The following IMPG1 variants were observed in gnomAD, a reference collection of about 807,000 sequenced individuals.
The protein encoded by IMPG1 is interphotoreceptor matrix proteoglycan of 150 kDa.
IMPG1 carries 85 observed loss-of-function variants against 92.0 expected under a neutral mutation model. The ratio of observed to expected loss-of-function variants is 0.92; its 90% CI spans 0.78 to 1.11. The LOEUF (loss-of-function observed/expected upper bound fraction) is 1.11. Ranked by LOEUF, IMPG1 falls within the 50% of genes least tolerant of loss-of-function variation. The probability of loss-of-function intolerance (pLI) is 0.00; values close to 1 mark genes in which losing one functional copy is unlikely to be tolerated. For synonymous variants in IMPG1, 367 were observed against 334.1 expected (o/e 1.10, Z -1.08); for missense variants, 1,022 against 956.0 (o/e 1.07, Z -0.91).
chr6:75,923,781 T>G, intron 15 of IMPG1, 75 bp from the exon 16 acceptor site: 1 of 824,696 alleles, frequency 1.2e-6, no homozygotes, highest in Non-Finnish European at 2.0e-6. Flanking sequence ...ATCTTTCTAC[T>G]GTTTTAGTTT....
intron 1 of IMPG1, among the ~76,000 whole-genome samples, chr6:76,060,180 T>A (rs1784181527): frequency 6.6e-6 from 1 of 152,166 alleles, no homozygotes; most frequent in South Asian, 2.1e-4. Flanking sequence ...TCGGAATGAA[T>A]TAAGATGACT....
In IMPG1 at chr6:75,968,534, A is replaced by G. The variant is rs979418096; in HGVS notation, c.1292-17440T>C. Among the ~76,000 whole-genome samples the G allele has an allele frequency of 4.6e-5, 7 of 152,248 alleles. No individual in the cohort carries two copies. The East Asian group carries it at 1.4e-3, about 29-fold the overall frequency. ...TTTCTTTTTAGATTGTAAGATATCT[A>G]AAATGATAGATATTATTTTATTATT... On this transcript the variant is annotated intron_variant, in intron 12 of 16. Coordinates refer to ENST00000369950, the MANE Select transcript of IMPG1 (RefSeq NM_001563.4).
intron 2 of IMPG1, among the ~76,000 whole-genome samples, chr6:76,039,092 G>A (rs558554396): frequency 1.4e-4 from 22 of 152,282 alleles, no homozygotes; most frequent in African/African-American, 5.3e-4. Flanking sequence ...TTTCTTATCC[G>A]TACAACGGGA....
At chr6:76,070,726 T>C (rs1015447264) in intron 1 of IMPG1, among the ~76,000 whole-genome samples, 3 of 152,064 alleles carry the variant, frequency 2.0e-5, no homozygotes, top group African/African-American at 2.4e-5. Context: ...GAAAGTCAAA[T>C]ATCACGTGGT....
At chr6:75,988,703 G>C (rs1782765488) in intron 12 of IMPG1, among the ~76,000 whole-genome samples, 1 of 152,112 alleles carries the variant, frequency 6.6e-6, no homozygotes, top group African/African-American at 2.4e-5. Flanking sequence ...AACTAGTTCT[G>C]CTTGCCTCCT....
intron 1 of IMPG1, among the ~76,000 whole-genome samples, chr6:76,071,636 A>G (rs1267637683): frequency 6.6e-6 from 1 of 152,066 alleles, no homozygotes; most frequent in African/African-American, 2.4e-5. Flanking sequence ...TACTTTAGTT[A>G]AAATGTTTAT....
At chr6:76,020,969 C>T (rs1783412946) in intron 6 of IMPG1, among the ~76,000 whole-genome samples, 1 of 152,170 alleles carries the variant, frequency 6.6e-6, no homozygotes, top group South Asian at 2.1e-4. Context: ...TAAAAATTTG[C>T]ATCTGTAAAG....
At chr6:76,049,922 A>G (rs949600620) in intron 1 of IMPG1, among the ~76,000 whole-genome samples, 4 of 152,256 alleles carry the variant, frequency 2.6e-5, no homozygotes, top group Non-Finnish European at 5.9e-5. Flanking sequence ...TTTTCCTTTT[A>G]AAATTTAGCC....
intron 1 of IMPG1, among the ~76,000 whole-genome samples, chr6:76,053,274 C>T (rs1784072461): frequency 6.6e-6 from 1 of 152,162 alleles, no homozygotes; most frequent in South Asian, 2.1e-4. Context: ...CAACACTATG[C>T]TTTCCAGAGC....
chr6:76,063,413 G>A (rs1459049216), intron 1 of IMPG1, among the ~76,000 whole-genome samples: 1 of 152,054 alleles, frequency 6.6e-6, no homozygotes, highest in Non-Finnish European at 1.5e-5. Flanking sequence ...ACCCAGAGGG[G>A]CTTGGTATTT....
At chr6:76,061,923 A>G (rs555829546) in intron 1 of IMPG1, among the ~76,000 whole-genome samples, 2 of 152,190 alleles carry the variant, frequency 1.3e-5, no homozygotes, top group African/African-American at 4.8e-5. Context: ...ATTTTATTTA[A>G]TGAATATTTT....
intron 7 of IMPG1, among the ~76,000 whole-genome samples, chr6:76,017,085 A>G (rs1163031134): frequency 6.6e-6 from 1 of 152,124 alleles, no homozygotes; most frequent in Non-Finnish European, 1.5e-5. Context: ...TAGACAGAGC[A>G]GACAGCACAT....
intron 15 of IMPG1, among the ~76,000 whole-genome samples, chr6:75,927,573 T>C (rs1400976649): frequency 1.3e-5 from 2 of 152,254 alleles, no homozygotes; most frequent in East Asian, 1.9e-4. Context: ...AAGTAGCTCA[T>C]AGGGGCAACG....
intron 2 of IMPG1, among the ~76,000 whole-genome samples, chr6:76,035,710 C>T (rs1276072532): frequency 5.9e-5 from 9 of 152,182 alleles, no homozygotes; most frequent in Non-Finnish European, 1.2e-4. Flanking sequence ...ATTGGTCTCT[C>T]TAAAGACACA....
chr6:76,069,103 A>G (rs1320337733), intron 1 of IMPG1, among the ~76,000 whole-genome samples: 2 of 152,156 alleles, frequency 1.3e-5, no homozygotes, highest in East Asian at 3.9e-4. Flanking sequence ...GACATAGTCG[A>G]CAAAAATATA....
intron 1 of IMPG1, among the ~76,000 whole-genome samples, chr6:76,070,126 A>T (rs1021902607): frequency 6.6e-6 from 1 of 152,200 alleles, no homozygotes; most frequent in African/African-American, 2.4e-5. Context: ...TATGCCCTGT[A>T]TTTAAAATAG....
chr6:75,936,126 C>T (rs1781740475), intron 14 of IMPG1, among the ~76,000 whole-genome samples: 1 of 152,202 alleles, frequency 6.6e-6, no homozygotes, highest in South Asian at 2.1e-4. Flanking sequence ...GCGGGGAAAG[C>T]CTGGCTTCTA....
At chr6:76,037,854 G>A (rs1318898026) in intron 2 of IMPG1, among the ~76,000 whole-genome samples, 6 of 152,180 alleles carry the variant, frequency 3.9e-5, no homozygotes, top group Non-Finnish European at 5.9e-5. Context: ...GTGAAACATC[G>A]GGGAAGATAT....
intron 4 of IMPG1, among the ~76,000 whole-genome samples, chr6:76,025,570 C>T (rs1462008209): frequency 6.6e-6 from 1 of 152,118 alleles, no homozygotes; most frequent in African/African-American, 2.4e-5. Flanking sequence ...TAGTTCCATT[C>T]CACTTACACT....
Sources: gnomAD v4.1 joint callset for allele counts (sites outside exome capture counted in the v4.1 genomes callset) on GRCh38, gnomAD v4.1.1 for gene constraint, MANE v1.5 for transcripts, NCBI Gene and HGNC (gene_info 2026-07-23, HGNC 2026-07-21) for gene names.